The following PXMP4 variants were observed in gnomAD, a reference collection of about 807,000 sequenced individuals.
PXMP4 encodes 24 kDa peroxisomal intrinsic membrane protein.
A neutral mutation model predicts 21.6 loss-of-function variants in PXMP4; 16 were observed. That is an observed-to-expected ratio of 0.74 (90% CI 0.50 to 1.13). The LOEUF (loss-of-function observed/expected upper bound fraction) is 1.13, where lower values mean the gene tolerates loss of function less well. Among genes scored for constraint, PXMP4 ranks in the 50% most tolerant of loss-of-function variants. The pLI, the probability that PXMP4 is intolerant of heterozygous loss-of-function variation, is 0.00. For synonymous variants in PXMP4, 127 were observed against 123.8 expected, an observed-to-expected ratio of 1.03 and a Z score of -0.17; for missense variants, 240 against 277.7, an observed-to-expected ratio of 0.86 and a Z score of 0.96.
At chr20:33,714,825 C>A (rs566916115) in intron 1 of PXMP4, 89 bp from the exon 2 acceptor site, 3 of 1,309,698 alleles carry the variant, frequency 2.3e-6, no homozygotes, top group Non-Finnish European at 2.2e-6. Flanking sequence ...TTCTCTCCCC[C>A]CATCCCAAAT....
chr20:33,709,339 C>T (rs2018297204), intron 3 of PXMP4, among the ~76,000 whole-genome samples: 2 of 152,266 alleles, frequency 1.3e-5, no homozygotes, highest in Middle Eastern at 6.8e-3. Context: ...AGCTTTTAGT[C>T]TCTTATTCAT....
At position 33,714,707 on chromosome 20, in the gene PXMP4, G is replaced by C; in HGVS notation, c.143C>G (p.Ala48Gly). The change falls in exon 2 of 4, where the codon GCG becomes GGG. Residue 48 changes from alanine (A) to glycine (G), a missense_variant. Coordinates refer to ENST00000409299, the MANE Select transcript of PXMP4 (RefSeq NM_007238.5). Reference sequence around the variant, plus strand: ...CCGGAAGAGAAAGGTCATGACCAGCGCGTGAGGGGCCCGGATTTTGGCTCC... The same window carrying C: ...CCGGAAGAGAAAGGTCATGACCAGCCCGTGAGGGGCCCGGATTTTGGCTCC... Reference protein sequence around the residue: ...VYGAKIRAPHALVMTFLFRNG... With the variant: ...VYGAKIRAPHGLVMTFLFRNG... 1 of 1,614,070 alleles carries C rather than the reference G, an allele frequency of 6.2e-7. No individual in the cohort carries two copies. Among genetic ancestry groups the C allele is most frequent in the Non-Finnish European group, 8.5e-7 (1 of 1,179,972 alleles).
Position 33,707,486 on chromosome 20 carries a change from T to C in PXMP4, c.*220A>G, listed in dbSNP as rs2018269942. ...GTCTCACAGAAGTCAGCTGCACAGC[T>C]GGAACCAAGCCGTAGATTCCTCAGC... On this transcript the variant is annotated 3_prime_UTR_variant, in exon 4 of 4. Coordinates refer to ENST00000409299, the MANE Select transcript of PXMP4 (RefSeq NM_007238.5). The C allele has an allele frequency of 3.2e-6, 2 of 619,282 alleles. No homozygotes were observed. Among genetic ancestry groups the C allele is most frequent in the African/African-American group, 1.9e-5 (1 of 54,000 alleles). The allele number at this position is 619,282 out of a possible 1,614,324, so 38.4% of individuals were successfully genotyped here.
intron 3 of PXMP4, among the ~76,000 whole-genome samples, chr20:33,708,182 ATT>A (rs553959918): frequency 7.3e-6 from 1 of 137,106 alleles, no homozygotes; most frequent in Non-Finnish European, 1.6e-5. Flanking sequence ...TTCTGTACTA[ATT>A]TTTTTTTTTT....
intron 1 of PXMP4, among the ~76,000 whole-genome samples, chr20:33,718,291 A>T (rs1008422313): frequency 6.6e-6 from 1 of 152,098 alleles, no homozygotes; most frequent in Non-Finnish European, 1.5e-5. Flanking sequence ...CAGGCCGATC[A>T]CGAGGTCAGG....
intron 2 of PXMP4, among the ~76,000 whole-genome samples, chr20:33,711,947 C>A (rs1260685914): frequency 4.0e-5 from 6 of 150,980 alleles, no homozygotes; most frequent in Non-Finnish European, 7.4e-5. Flanking sequence ...CCACAGCACT[C>A]CAGTCTGGGT....
chr20:33,709,454 T>C (rs1224057481), intron 3 of PXMP4, among the ~76,000 whole-genome samples: 1 of 152,186 alleles, frequency 6.6e-6, no homozygotes, highest in African/African-American at 2.4e-5. Context: ...AAAACCTTAC[T>C]TCAGGGTCAT....
At position 33,714,732 on chromosome 20, in the gene PXMP4, C is replaced by T. The variant is rs1245222864; in HGVS notation, c.118G>A (p.Gly40Arg). 1 of 1,613,972 alleles carries T rather than the reference C, an allele frequency of 6.2e-7. No homozygotes were observed. Among genetic ancestry groups the T allele is most frequent in the Non-Finnish European group, 8.5e-7 (1 of 1,179,906 alleles). ...LKGFRNGAVYGAKIRAPHALV... is the reference protein window; with the variant it reads ...LKGFRNGAVYRAKIRAPHALV... Reference sequence around the variant, plus strand: ...GCGTGAGGGGCCCGGATTTTGGCTCCATAGCTGTAGAAACAGAAGAAAACA... The same window carrying T: ...GCGTGAGGGGCCCGGATTTTGGCTCTATAGCTGTAGAAACAGAAGAAAACA... Residue 40 changes from glycine to arginine, a missense_variant, in exon 2 of 4, where the codon GGA (glycine) becomes AGA (arginine). By Grantham distance (125) the Gly-to-Arg change is moderately radical. Coordinates refer to ENST00000409299, the MANE Select transcript of PXMP4 (RefSeq NM_007238.5).
In PXMP4 at chr20:33,707,360, AGAACAGTT is replaced by A. The variant is rs1440395994; in HGVS notation, c.*338_*345del. The A allele has an allele frequency of 4.4e-6, 1 of 228,454 alleles. No individual in the cohort carries two copies. The highest frequency in any genetic ancestry group is 8.7e-6 in the Non-Finnish European group (1 of 115,360). The allele number at this position is 228,454 out of a possible 1,614,324, so 14.2% of individuals were successfully genotyped here. Reference sequence around the variant, plus strand: ...CCAGCAAGGAGCCCTCTGTGACATAAGAACAGTTGAAGAATGAACATACCCACCGGAAA... The same window carrying A: ...CCAGCAAGGAGCCCTCTGTGACATAAGAAGAATGAACATACCCACCGGAAA... On this transcript the variant is annotated 3_prime_UTR_variant, in exon 4 of 4. Coordinates refer to ENST00000409299, the MANE Select transcript of PXMP4 (RefSeq NM_007238.5).
At chr20:33,717,820 T>A (rs1050019272) in intron 1 of PXMP4, among the ~76,000 whole-genome samples, 1 of 152,044 alleles carries the variant, frequency 6.6e-6, no homozygotes, top group African/African-American at 2.4e-5. Flanking sequence ...CTCAGATGAA[T>A]AGTAGAAAGA....
chr20:33,703,027 C>T lies in PXMP4; in HGVS notation c.*4679G>A, dbSNP rs1220719398. On this transcript the variant is annotated 3_prime_UTR_variant, in exon 4 of 4. Transcript: ENST00000409299. ...CCCCGGCACAGACCACACTGCCTTCCTCCCTGGAGTGTGCAGTTGGAAGCA... is the reference window on the plus strand; with the variant it reads ...CCCCGGCACAGACCACACTGCCTTCTTCCCTGGAGTGTGCAGTTGGAAGCA... 1 of 152,246 alleles carries T rather than the reference C, an allele frequency of 6.6e-6. No homozygotes were observed. Among genetic ancestry groups the T allele is most frequent in the East Asian group, 1.9e-4 (1 of 5,198 alleles). The allele number at this position is 152,246 out of a possible 1,614,324, so 9.4% of individuals were successfully genotyped here.
In PXMP4 at chr20:33,717,362, C is replaced by T. The variant is rs543823043; in HGVS notation, c.114-2626G>A. 8.1e-4 allele frequency among the ~76,000 whole-genome samples: 123 copies of T among 151,912 alleles called. 1 individual carries two copies. The highest frequency in any genetic ancestry group is 1.3e-3 in the Non-Finnish European group (91 of 67,986). On this transcript the variant is annotated intron_variant, in intron 1 of 3. Transcript: ENST00000409299. ...TTTAAAATTATTAAATATTTTAGGC[C>T]GGGCGCGGTGGCTCACGCCTGTAAT... is the stretch of plus-strand genomic sequence containing the variant.
At chr20:33,718,620 A>G (rs561011039) in intron 1 of PXMP4, among the ~76,000 whole-genome samples, 1 of 151,300 alleles carries the variant, frequency 6.6e-6, no homozygotes, top group East Asian at 2.0e-4. Context: ...AACCAGTTCT[A>G]CCTGACTCTT....
chr20:33,720,166 G>A lies in PXMP4; in HGVS notation c.42C>T (p.Val14=), dbSNP rs199736156. 2.5e-5 allele frequency: 41 copies of A among 1,613,456 alleles called. No homozygotes were observed. The Admixed American group carries it at 6.8e-4, about 27-fold the overall frequency. The change falls in exon 1 of 4, where the codon GTC becomes GTT. Residue 14 remains valine (V), a synonymous_variant. Coordinates refer to ENST00000409299, the MANE Select transcript of PXMP4 (RefSeq NM_007238.5). ...PPQLRALLVV[V]NALLRKRRYH... is the part of the protein sequence containing the mutation. Reference sequence around the variant, plus strand: ...AGCGGCGCTTGCGCAGCAGTGCGTTGACGACTACGAGCAGAGCCCTTAGCT... The same window carrying A: ...AGCGGCGCTTGCGCAGCAGTGCGTTAACGACTACGAGCAGAGCCCTTAGCT...
In PXMP4 at chr20:33,705,162, G is replaced by A. The variant is rs1274054101; in HGVS notation, c.*2544C>T. 1 of 151,758 alleles carries A rather than the reference G, an allele frequency of 6.6e-6. No homozygotes were observed. The highest frequency in any genetic ancestry group is 2.4e-5 in the African/African-American group (1 of 41,332). 9.4% of individuals were successfully genotyped at this position (151,758 alleles called of 1,614,324 possible). ...CTGCCACCATGTCCAGCTAATTTTT[G>A]TATTTTTAGTAGAGACAGGATTTCG... On this transcript the variant is annotated 3_prime_UTR_variant, in exon 4 of 4. Transcript: ENST00000409299.
chr20:33,711,408 C>T (rs1438855201), intron 2 of PXMP4, among the ~76,000 whole-genome samples: 1 of 152,058 alleles, frequency 6.6e-6, no homozygotes, highest in Non-Finnish European at 1.5e-5. Flanking sequence ...GGAGGAGGGT[C>T]AGGGAGTATG....
chr20:33,707,667 G>A lies in PXMP4; in HGVS notation c.*39C>T, dbSNP rs756212003. The A allele has an allele frequency of 1.2e-6, 2 of 1,601,964 alleles. No individual in the cohort carries two copies. Among genetic ancestry groups the A allele is most frequent in the Non-Finnish European group, 1.7e-6 (2 of 1,172,088 alleles). On this transcript the variant is annotated 3_prime_UTR_variant, in exon 4 of 4. Coordinates refer to ENST00000409299, the MANE Select transcript of PXMP4 (RefSeq NM_007238.5). ...TATCCTTTGGGAGGGTCTGCATGGGGCCAAATCTTGAGCCACAGCCAGACA... is the reference window on the plus strand; with the variant it reads ...TATCCTTTGGGAGGGTCTGCATGGGACCAAATCTTGAGCCACAGCCAGACA...
chr20:33,712,985 C>T (rs1277425560), intron 2 of PXMP4, among the ~76,000 whole-genome samples: 1 of 152,176 alleles, frequency 6.6e-6, no homozygotes, highest in Non-Finnish European at 1.5e-5. Flanking sequence ...AGACTGGTCT[C>T]GAACTCCTGA....
rs2018253829 is a variant in PXMP4, at chr20:33,706,047, T to A, written c.*1659A>T. The A allele has an allele frequency of 6.6e-6, 1 of 152,094 alleles. No individual in the cohort carries two copies. Among genetic ancestry groups the A allele is most frequent in the African/African-American group, 2.4e-5 (1 of 41,414 alleles). The allele number at this position is 152,094 out of a possible 1,614,324, so 9.4% of individuals were successfully genotyped here. On this transcript the variant is annotated 3_prime_UTR_variant, in exon 4 of 4. Transcript: ENST00000409299. ...TTCAAGCGATTCTCCTGCCTCAGCC[T>A]CCCCAGTAGCTGGGATTACAGGGAC...
Sources: allele counts gnomAD v4.1 joint callset (sites outside exome capture counted in the v4.1 genomes callset), GRCh38; gene constraint gnomAD v4.1.1; transcripts MANE v1.5; gene names NCBI Gene and HGNC (gene_info 2026-07-23, HGNC 2026-07-21).